MAPT: variants seen among roughly 807,000 people sequenced by gnomAD.
MAPT encodes the protein microtubule-associated protein tau.
Under a neutral mutation model 67.9 loss-of-function variants are expected in MAPT, and 34 were observed. The ratio of observed to expected loss-of-function variants is 0.50; its 90% CI spans 0.38 to 0.67. MAPT has a LOEUF of 0.67. Ranked by LOEUF, MAPT falls within the 30% of genes least tolerant of loss-of-function variation. The pLI is 0.00. For missense variants in MAPT, 881 were observed against 1,115.2 expected, an observed-to-expected ratio of 0.79 and a Z score of 2.99; for synonymous variants, 456 against 464.5, an observed-to-expected ratio of 0.98 and a Z score of 0.23.
intron 1 of MAPT, among the ~76,000 whole-genome samples, chr17:45,959,186 C>T (rs2070099971): frequency 6.6e-6 from 1 of 152,158 alleles, no homozygotes; most frequent in South Asian, 2.1e-4. Context: ...ACAGAGACTT[C>T]CCGTATGTTC....
intron 1 of MAPT, among the ~76,000 whole-genome samples, chr17:45,923,746 T>G (rs954177874): frequency 6.6e-6 from 1 of 152,202 alleles, no homozygotes; most frequent in African/African-American, 2.4e-5. Flanking sequence ...TGAGAACATA[T>G]GTCCTGCAGT....
chr17:45,961,075 A>T (rs567075615), intron 1 of MAPT, among the ~76,000 whole-genome samples: 17 of 152,180 alleles, frequency 1.1e-4, no homozygotes, highest in African/African-American at 4.1e-4. Flanking sequence ...TGCAGGTTGA[A>T]TGGGGCAACC....
chr17:45,971,035 C>T lies in MAPT; in HGVS notation c.134-824C>T, dbSNP rs1367126748. 6.6e-6 allele frequency among the ~76,000 whole-genome samples: 1 copy of T among 152,212 alleles called. No homozygotes were observed. The highest frequency in any genetic ancestry group is 1.5e-5 in the Non-Finnish European group (1 of 68,038). On this transcript the variant is annotated intron_variant, in intron 2 of 12. Transcript: ENST00000262410. This position sits in a 1 kb window ranked among gnomAD's most constrained non-coding sequence, Gnocchi z 4.3. ...TTGACCTGCTCAGCCCTGGATACTG[C>T]ATGATGCATTGATAAGCCCATAAAA... is the stretch of plus-strand genomic sequence containing the variant.
chr17:45,966,751 A>G (rs1415856724), intron 2 of MAPT, among the ~76,000 whole-genome samples: 1 of 152,244 alleles, frequency 6.6e-6, no homozygotes, highest in Non-Finnish European at 1.5e-5. Flanking sequence ...GCTTTCACAT[A>G]AAACATGATC....
chr17:45,979,142 C>G (rs529616354), intron 4 of MAPT: 1 of 152,304 alleles, frequency 6.6e-6, no homozygotes, highest in East Asian at 1.9e-4. Context: ...AGCCTTCAAC[C>G]CTTATTATGA....
intron 5 of MAPT, among the ~76,000 whole-genome samples, chr17:45,985,016 G>C (rs960426569): frequency 5.3e-5 from 8 of 152,226 alleles, no homozygotes; most frequent in Admixed American, 3.3e-4. Context: ...TAAAAGTTAA[G>C]ACAGAGGCTG....
At chr17:45,933,603 T>C (rs2067054321) in intron 1 of MAPT, among the ~76,000 whole-genome samples, 2 of 151,524 alleles carry the variant, frequency 1.3e-5, no homozygotes, top group Admixed American at 1.3e-4. Context: ...AGCTGCTCCC[T>C]TCACCTGGCC....
intron 1 of MAPT, among the ~76,000 whole-genome samples, chr17:45,952,777 T>C (rs1037282310): frequency 1.3e-5 from 2 of 152,100 alleles, no homozygotes; most frequent in African/African-American, 4.8e-5. Flanking sequence ...TTGAGAGAAG[T>C]GGCTTGGTTA....
Position 45,978,358 on chromosome 17 carries a change from G to T in MAPT, c.221-17G>T. On this transcript the variant is annotated splice_polypyrimidine_tract_variant and intron_variant, in intron 3 of 12. Transcript: ENST00000262410. Reference sequence around the variant, plus strand: ...GTCTTGCTTTTACCCCCCTTCATTTGCTGACACATACACCAGCTGAAGAAG... The same window carrying T: ...GTCTTGCTTTTACCCCCCTTCATTTTCTGACACATACACCAGCTGAAGAAG... 1.2e-6 allele frequency: 2 copies of T among 1,610,562 alleles called. No homozygotes were observed. The highest frequency in any genetic ancestry group is 8.5e-7 in the Non-Finnish European group (1 of 1,176,998).
chr17:45,993,789 C>T, intron 8 of MAPT: 1 of 799,416 alleles, frequency 1.3e-6, no homozygotes, highest in Admixed American at 2.1e-5. Context: ...GAGACCCTCC[C>T]CCTTGGGCCC....
intron 1 of MAPT, chr17:45,910,904 C>T (rs2064741584): frequency 6.6e-6 from 1 of 152,164 alleles, no homozygotes; most frequent in Admixed American, 6.5e-5. Flanking sequence ...GAGGGAGCCT[C>T]ATATGCACCC....
chr17:46,005,553 TGG>T (rs1399578762), intron 9 of MAPT, among the ~76,000 whole-genome samples: 1 of 152,228 alleles, frequency 6.6e-6, no homozygotes. Context: ...AGACCTGGGC[TGG>T]GCAGCATAGC....
At chr17:46,013,752 C>CT (rs2075980605) in intron 10 of MAPT, among the ~76,000 whole-genome samples, 1 of 150,866 alleles carries the variant, frequency 6.6e-6, no homozygotes, top group Non-Finnish European at 1.5e-5. Flanking sequence ...CGCCTCCCCT[C>CT]TTTGAGGCCC....
chr17:45,962,635 TGA>T (rs2070572728), intron 2 of MAPT, among the ~76,000 whole-genome samples, 165 bp downstream of exon 2: 1 of 151,964 alleles, frequency 6.6e-6, no homozygotes, highest in Non-Finnish European at 1.5e-5. Flanking sequence ...ACTCAAGCAG[TGA>T]GATAATGGCC....
At position 45,897,359 on chromosome 17, in the gene MAPT, T is replaced by C. The variant is rs2063324945; in HGVS notation, c.-18+2673T>C. 1 of 152,258 alleles carries C rather than the reference T, an allele frequency of 6.6e-6. No individual in the cohort carries two copies. Among genetic ancestry groups the C allele is most frequent in the Non-Finnish European group, 1.5e-5 (1 of 68,054 alleles). The allele number at this position is 152,258 out of a possible 1,614,324, so 9.4% of individuals were successfully genotyped here. On this transcript the variant is annotated intron_variant, in intron 1 of 12. Coordinates refer to ENST00000262410, the MANE Select transcript of MAPT (RefSeq NM_001377265.1). The surrounding 1 kb of genome is among the most constrained non-coding windows in gnomAD (Gnocchi z 5.0). Reference sequence around the variant, plus strand: ...GCCCAATGCTGGGAACAAAGCGCACTCCGCGCTTCTGCGATTTCGCTCCAT... The same window carrying C: ...GCCCAATGCTGGGAACAAAGCGCACCCCGCGCTTCTGCGATTTCGCTCCAT...
At chr17:45,900,646 C>T (rs975946574) in intron 1 of MAPT, among the ~76,000 whole-genome samples, 6 of 152,218 alleles carry the variant, frequency 3.9e-5, no homozygotes, top group Admixed American at 3.3e-4. Flanking sequence ...CAAGGGCAGA[C>T]ACTGTTACCC....
At chr17:45,961,425 G>T (rs1419640731) in intron 1 of MAPT, among the ~76,000 whole-genome samples, 1 of 152,336 alleles carries the variant, frequency 6.6e-6, no homozygotes, top group Admixed American at 6.5e-5. Flanking sequence ...GAACACACAC[G>T]TGGGGGACCT....
At chr17:45,981,322 A>T (rs2072925238) in intron 4 of MAPT, among the ~76,000 whole-genome samples, 1 of 147,936 alleles carries the variant, frequency 6.8e-6, no homozygotes, top group African/African-American at 2.4e-5. Context: ...AAAAACATAA[A>T]GGGTATTTAT....
chr17:45,943,464 A>G (rs2068175144), intron 1 of MAPT, among the ~76,000 whole-genome samples: 1 of 152,202 alleles, frequency 6.6e-6, no homozygotes, highest in Admixed American at 6.5e-5. Context: ...GATTTCCAAC[A>G]GAATTGCCAT....
Sources: gnomAD v4.1 joint callset for allele counts (sites outside exome capture counted in the v4.1 genomes callset) on GRCh38, gnomAD v4.1.1 for gene constraint, Gnocchi (gnomAD v3.1) non-coding constraint, MANE v1.5 for transcripts, NCBI Gene and HGNC (gene_info 2026-07-23, HGNC 2026-07-21) for gene names.